SGCZ: variants seen among roughly 807,000 people sequenced by gnomAD.
SGCZ encodes the protein zeta-sarcoglycan.
SGCZ carries 40 observed loss-of-function variants against 41.3 expected under a neutral mutation model. That is an observed-to-expected ratio of 0.97 (90% CI 0.75 to 1.26). SGCZ has a LOEUF of 1.26. Among genes scored for constraint, SGCZ ranks in the 50% most tolerant of loss-of-function variants. The probability of loss-of-function intolerance (pLI) is 0.00; values close to 1 mark genes in which losing one functional copy is unlikely to be tolerated. For synonymous variants in SGCZ, 206 were observed against 137.5 expected (o/e 1.50, Z -3.49); for missense variants, 552 against 369.8 (o/e 1.49, Z -4.04).
intron 5 of SGCZ, among the ~76,000 whole-genome samples, chr8:14,136,576 G>C (rs574274845): frequency 2.6e-5 from 4 of 152,290 alleles, no homozygotes; most frequent in African/African-American, 7.2e-5. Flanking sequence ...ATCAAACTGC[G>C]AGGTGGCAGC....
intron 1 of SGCZ, among the ~76,000 whole-genome samples, chr8:14,950,447 T>C (rs1800596264): frequency 6.6e-6 from 1 of 151,984 alleles, no homozygotes; most frequent in Non-Finnish European, 1.5e-5. Flanking sequence ...TCTTCTGCTC[T>C]TCTTCTCTTT....
intron 1 of SGCZ, among the ~76,000 whole-genome samples, chr8:14,685,398 T>TA: frequency 6.6e-6 from 1 of 152,164 alleles, no homozygotes; most frequent in East Asian, 1.9e-4. Context: ...AAAATATATC[T>TA]AAAAAATGAA....
intron 1 of SGCZ, among the ~76,000 whole-genome samples, chr8:14,900,164 G>T (rs1179692119): frequency 6.6e-6 from 1 of 152,066 alleles, no homozygotes; most frequent in Non-Finnish European, 1.5e-5. Context: ...ACTGTAGACA[G>T]ACAAGGGCGG....
chr8:15,034,829 C>T (rs1446384817), intron 1 of SGCZ, among the ~76,000 whole-genome samples: 2 of 152,154 alleles, frequency 1.3e-5, no homozygotes, highest in East Asian at 1.9e-4. Flanking sequence ...AAGGACAAAA[C>T]TGTCAACCAA....
intron 3 of SGCZ, among the ~76,000 whole-genome samples, chr8:14,299,034 C>A (rs1801105913): frequency 6.6e-6 from 1 of 151,766 alleles, no homozygotes; most frequent in Non-Finnish European, 1.5e-5. Flanking sequence ...AGAAAAAGAC[C>A]CCAACTTGTA....
At chr8:14,763,401 A>T (rs1799948693) in intron 1 of SGCZ, among the ~76,000 whole-genome samples, 1 of 152,156 alleles carries the variant, frequency 6.6e-6, no homozygotes, top group Non-Finnish European at 1.5e-5. Context: ...TTACAAGCAT[A>T]ATTTAATCCA....
At chr8:14,299,718 C>T (rs1282740262) in intron 3 of SGCZ, among the ~76,000 whole-genome samples, 1 of 151,700 alleles carries the variant, frequency 6.6e-6, no homozygotes, top group Non-Finnish European at 1.5e-5. Context: ...TAGTATTGTA[C>T]CAAATACATC....
chr8:14,919,377 G>T lies in SGCZ; in HGVS notation c.39+318208C>A, dbSNP rs552996121. 3.3e-5 allele frequency among the ~76,000 whole-genome samples: 5 copies of T among 152,104 alleles called. No homozygotes were observed. The South Asian group carries it at 1.0e-3, about 32-fold the overall frequency. The stretch of plus-strand genomic sequence containing the variant: ...AATTGCTAGAACCCGGGAGGCGGAG[G>T]TTACAGTGAGCCGAGATCGCACCAC... On this transcript the variant is annotated intron_variant, in intron 1 of 7. Transcript: ENST00000382080.
chr8:14,513,011 T>TA (rs1802510676), intron 2 of SGCZ, among the ~76,000 whole-genome samples: 1 of 152,124 alleles, frequency 6.6e-6, no homozygotes, highest in African/African-American at 2.4e-5. Context: ...GGAAAGCTGA[T>TA]AAAGTTCCAA....
At chr8:15,091,912 C>T (rs1438957677) in intron 1 of SGCZ, among the ~76,000 whole-genome samples, 1 of 151,980 alleles carries the variant, frequency 6.6e-6, no homozygotes, top group Non-Finnish European at 1.5e-5. Context: ...ACCATTATGC[C>T]TAGTTAATTT....
chr8:14,280,485 T>C (rs1010801770), intron 3 of SGCZ, among the ~76,000 whole-genome samples: 1 of 151,814 alleles, frequency 6.6e-6, no homozygotes, highest in Non-Finnish European at 1.5e-5. Context: ...CTAAATATAA[T>C]TTTATAATTA....
chr8:14,123,432 T>C (rs1802760024), intron 5 of SGCZ, among the ~76,000 whole-genome samples: 1 of 152,194 alleles, frequency 6.6e-6, no homozygotes, highest in South Asian at 2.1e-4. Flanking sequence ...ATCCTATAAA[T>C]GATTACTATA....
At chr8:14,516,744 T>C (rs12545261) in intron 2 of SGCZ, among the ~76,000 whole-genome samples, 14,616 of 152,130 alleles carry the variant, frequency 0.096, 1,696 homozygotes, top group African/African-American at 0.27. Context: ...TTAGCTGCTA[T>C]GGAGACTGGG....
At chr8:14,989,440 C>T (rs1036367055) in intron 1 of SGCZ, among the ~76,000 whole-genome samples, 10 of 151,988 alleles carry the variant, frequency 6.6e-5, no homozygotes, top group African/African-American at 2.2e-4. Flanking sequence ...GAGCTACGAT[C>T]ACACCACTGC....
At chr8:14,506,697 G>A (rs1349487145) in intron 2 of SGCZ, among the ~76,000 whole-genome samples, 1 of 152,134 alleles carries the variant, frequency 6.6e-6, no homozygotes, top group East Asian at 1.9e-4. Context: ...CTGTGATCAA[G>A]GATATCAATG....
intron 5 of SGCZ, among the ~76,000 whole-genome samples, chr8:14,149,134 G>A (rs1803617566): frequency 1.3e-5 from 2 of 152,064 alleles, no homozygotes; most frequent in South Asian, 4.1e-4. Flanking sequence ...ACACAACAAT[G>A]ATGCCAATTT....
intron 5 of SGCZ, among the ~76,000 whole-genome samples, chr8:14,114,645 C>T (rs1224446204): frequency 6.6e-6 from 1 of 151,940 alleles, no homozygotes; most frequent in East Asian, 1.9e-4. Context: ...AGGAAAAAGA[C>T]TGCTGGTGAT....
At chr8:15,158,363 G>A (rs1285635974) in intron 1 of SGCZ, among the ~76,000 whole-genome samples, 1 of 152,074 alleles carries the variant, frequency 6.6e-6, no homozygotes, top group Non-Finnish European at 1.5e-5. Context: ...TAAGAAGGCT[G>A]TTCTCCACAT....
intron 1 of SGCZ, among the ~76,000 whole-genome samples, chr8:14,753,454 A>T (rs1799562367): frequency 6.6e-6 from 1 of 152,224 alleles, no homozygotes; most frequent in Non-Finnish European, 1.5e-5. Context: ...ATGTGTTGCT[A>T]TAGCATTGAA....
Sources: allele counts gnomAD v4.1 joint callset (sites outside exome capture counted in the v4.1 genomes callset), GRCh38; gene constraint gnomAD v4.1.1; transcripts MANE v1.5; gene names NCBI Gene and HGNC (gene_info 2026-07-23, HGNC 2026-07-21).